Variants in HAPLN1 observed in about 807,000 individuals in gnomAD.
HAPLN1 encodes hyaluronan and proteoglycan link protein 1.
A neutral mutation model predicts 36.5 loss-of-function variants in HAPLN1; 13 were observed. That is an observed-to-expected ratio of 0.36 (90% CI 0.23 to 0.57). HAPLN1 has a LOEUF of 0.57. Ranked by LOEUF, HAPLN1 falls within the 20% of genes least tolerant of loss-of-function variation. HAPLN1 has a pLI of 0.83. For synonymous variants in HAPLN1, 202 were observed against 169.8 expected (o/e 1.19, Z -1.48); for missense variants, 407 against 439.7 (o/e 0.93, Z 0.66).
chr5:83,666,391 G>GA (rs1158643509), intron 2 of HAPLN1, among the ~76,000 whole-genome samples: 9 of 152,224 alleles, frequency 5.9e-5, no homozygotes, highest in African/African-American at 1.7e-4. Flanking sequence ...TGGTATTTGG[G>GA]AGAGTTTCCA....
intron 1 of HAPLN1, among the ~76,000 whole-genome samples, chr5:83,684,845 T>C (rs7717971): frequency 0.13 from 20,078 of 152,152 alleles, 2,311 homozygotes; most frequent in African/African-American, 0.31. Flanking sequence ...CATAAGAAGA[T>C]ATAACTGTGT....
chr5:83,682,863 T>G (rs1751039366), intron 1 of HAPLN1, among the ~76,000 whole-genome samples: 1 of 152,080 alleles, frequency 6.6e-6, no homozygotes, highest in African/African-American at 2.4e-5. Flanking sequence ...AAGGTGTTTT[T>G]TAAGCTTTTA....
chr5:83,716,101 G>C lies in HAPLN1; in HGVS notation c.-27+4688C>G, dbSNP rs927542096. The stretch of plus-strand genomic sequence containing the variant: ...GTGATCCTCCAAATTCAAAATAACA[G>C]AGCGAAAATGAGAAAAAAAATTCAC... On this transcript the variant is annotated intron_variant, in intron 1 of 4. Coordinates refer to ENST00000274341, the MANE Select transcript of HAPLN1 (RefSeq NM_001884.4). Among the ~76,000 whole-genome samples, 13 of 152,018 alleles carry C rather than the reference G, an allele frequency of 8.6e-5. 1 individual carries two copies. Among genetic ancestry groups the C allele is most frequent in the Non-Finnish European group, 2.9e-5 (2 of 68,010 alleles).
chr5:83,695,125 C>A (rs540898639), intron 1 of HAPLN1, among the ~76,000 whole-genome samples: 1 of 152,126 alleles, frequency 6.6e-6, no homozygotes, highest in East Asian at 1.9e-4. Flanking sequence ...CAATGTAATT[C>A]ATTATACATA....
At chr5:83,645,769 G>A (rs1238076783) in intron 3 of HAPLN1, among the ~76,000 whole-genome samples, 2 of 151,604 alleles carry the variant, frequency 1.3e-5, no homozygotes, top group Admixed American at 6.6e-5. Flanking sequence ...TAAATAGCAG[G>A]ACTAAAACAA....
In HAPLN1 at chr5:83,644,360, T is replaced by C. The variant is rs777166069; in HGVS notation, c.775+3A>G. On this transcript the variant is annotated splice_donor_region_variant and intron_variant, in intron 4 of 4. Coordinates refer to ENST00000274341, the MANE Select transcript of HAPLN1 (RefSeq NM_001884.4). ...AAAGAAGGCAGTACAGTTATTATCT[T>C]ACCATTGAAATTGGATGTAAAACAG... is the stretch of plus-strand genomic sequence containing the variant. 5 of 1,548,016 alleles carry C rather than the reference T, an allele frequency of 3.2e-6. No homozygotes were observed. In the South Asian group the frequency reaches 6.3e-5, roughly 20 times the overall value.
chr5:83,694,578 C>T (rs1751350265), intron 1 of HAPLN1, among the ~76,000 whole-genome samples: 1 of 151,704 alleles, frequency 6.6e-6, no homozygotes, highest in South Asian at 2.1e-4. Context: ...TCTATCAATT[C>T]TATAGAAATA....
chr5:83,678,341 C>T (rs1367095881), intron 1 of HAPLN1, among the ~76,000 whole-genome samples: 1 of 151,234 alleles, frequency 6.6e-6, no homozygotes, highest in African/African-American at 2.4e-5. Flanking sequence ...TGGGTATTTT[C>T]CTTTTATTTT....
Position 83,644,523 on chromosome 5 carries a change from G to T in HAPLN1, c.615C>A (p.Cys205Ter). Residue 205 changes from cysteine to a stop codon, truncating the protein, a stop_gained, in exon 4 of 5, where the codon TGC becomes TGA. Transcript: ENST00000274341. LOFTEE classifies it high-confidence loss of function. ...YDAWRGGLDW[C>*]NAGWLSDGSV... Reference sequence around the variant, plus strand: ...AGCCATCACTGAGCCAGCCGGCATTGCACCAGTCCAGCCCGCCCCGCCAGG... The same window carrying T: ...AGCCATCACTGAGCCAGCCGGCATTTCACCAGTCCAGCCCGCCCCGCCAGG... 1 of 1,611,898 alleles carries T rather than the reference G, an allele frequency of 6.2e-7. No individual in the cohort carries two copies. Among genetic ancestry groups the T allele is most frequent in the Non-Finnish European group, 8.5e-7 (1 of 1,179,028 alleles).
intron 1 of HAPLN1, among the ~76,000 whole-genome samples, chr5:83,702,857 A>G (rs770968839): frequency 3.9e-5 from 6 of 152,074 alleles, no homozygotes; most frequent in Non-Finnish European, 7.4e-5. Context: ...GACTACAGGC[A>G]TGCACTACCA....
At chr5:83,700,940 T>C (rs937774336) in intron 1 of HAPLN1, among the ~76,000 whole-genome samples, 7 of 152,254 alleles carry the variant, frequency 4.6e-5, no homozygotes, top group Admixed American at 2.0e-4. Context: ...GTGCACTAGC[T>C]ATTAGTTTAA....
chr5:83,658,106 T>C (rs1446502579), intron 2 of HAPLN1, among the ~76,000 whole-genome samples: 1 of 152,114 alleles, frequency 6.6e-6, no homozygotes, highest in African/African-American at 2.4e-5. Context: ...AGCTCCATAA[T>C]GAATTATTTG....
At chr5:83,697,061 C>A (rs942539781) in intron 1 of HAPLN1, among the ~76,000 whole-genome samples, 1 of 152,120 alleles carries the variant, frequency 6.6e-6, no homozygotes, top group Non-Finnish European at 1.5e-5. Flanking sequence ...CCCTCCCCCA[C>A]CAGGATTCCT....
chr5:83,709,347 T>C (rs1433766083), intron 1 of HAPLN1, among the ~76,000 whole-genome samples: 1 of 152,224 alleles, frequency 6.6e-6, no homozygotes, highest in East Asian at 1.9e-4. Context: ...AGCATATTAA[T>C]CACATAAAGC....
At chr5:83,702,471 C>G (rs1751530675) in intron 1 of HAPLN1, among the ~76,000 whole-genome samples, 1 of 152,102 alleles carries the variant, frequency 6.6e-6, no homozygotes, top group Admixed American at 6.5e-5. Context: ...ACTGAGTCCC[C>G]ACTAAAATTT....
At chr5:83,656,045 G>A (rs1277181802) in intron 2 of HAPLN1, among the ~76,000 whole-genome samples, 3 of 152,010 alleles carry the variant, frequency 2.0e-5, no homozygotes, top group Non-Finnish European at 4.4e-5. Flanking sequence ...TGTTTGATTG[G>A]GGCTGGGTGC....
chr5:83,673,594 C>A, intron 1 of HAPLN1, 45 bp from the exon 2 acceptor site: 2 of 1,136,866 alleles, frequency 1.8e-6, no homozygotes, highest in South Asian at 2.5e-5. Context: ...ATTTGGAACC[C>A]TTTGGAGTGT....
intron 2 of HAPLN1, among the ~76,000 whole-genome samples, chr5:83,663,077 T>A (rs950071839): frequency 1.3e-5 from 2 of 151,034 alleles, no homozygotes; most frequent in Non-Finnish European, 3.0e-5. Flanking sequence ...CTGAGGGGAG[T>A]GAAGAGAGCA....
At chr5:83,707,525 A>G (rs1402408678) in intron 1 of HAPLN1, among the ~76,000 whole-genome samples, 1 of 152,232 alleles carries the variant, frequency 6.6e-6, no homozygotes, top group Non-Finnish European at 1.5e-5. Context: ...ATTATTGGCT[A>G]GCGATATGCA....
Sources: gnomAD v4.1 joint callset for allele counts (sites outside exome capture counted in the v4.1 genomes callset) on GRCh38, gnomAD v4.1.1 for gene constraint, MANE v1.5 for transcripts, NCBI Gene and HGNC (gene_info 2026-07-23, HGNC 2026-07-21) for gene names.